The following GMPS variants were observed in gnomAD, a reference collection of about 807,000 sequenced individuals.
GMPS encodes GMP synthase [glutamine-hydrolyzing].
Under a neutral mutation model 77.9 loss-of-function variants are expected in GMPS, and 15 were observed. The ratio of observed to expected loss-of-function variants is 0.19; its 90% CI spans 0.13 to 0.30. GMPS has a LOEUF of 0.30. Ranked by LOEUF, GMPS falls within the 10% of genes least tolerant of loss-of-function variation. GMPS has a pLI of 1.00. For synonymous variants in GMPS, 224 were observed against 275.9 expected (o/e 0.81, Z 1.86); for missense variants, 590 against 838.8 (o/e 0.70, Z 3.66).
intron 9 of GMPS, among the ~76,000 whole-genome samples, chr3:155,916,889 A>G (rs1018655170): frequency 3.9e-5 from 6 of 152,194 alleles, no homozygotes; most frequent in African/African-American, 1.4e-4. Flanking sequence ...ATGAGATTCA[A>G]ATTTTTCCAC....
At chr3:155,912,466 AGTT>A (rs1755067534) in intron 7 of GMPS, among the ~76,000 whole-genome samples, 1 of 152,146 alleles carries the variant, frequency 6.6e-6, no homozygotes, top group Admixed American at 6.5e-5. Context: ...GATAATTTGT[AGTT>A]GTTTATTTTC....
At chr3:155,873,784 G>A (rs1259134914) in intron 1 of GMPS, among the ~76,000 whole-genome samples, 1 of 151,564 alleles carries the variant, frequency 6.6e-6, no homozygotes, top group Non-Finnish European at 1.5e-5. Context: ...ACAGGCGCCC[G>A]CCACCATGCC....
Position 155,941,753 on chromosome 3 carries a change from A to G in GMPS, c.*4061A>G, listed in dbSNP as rs567406406. 4.5e-6 allele frequency: 1 copy of G among 220,622 alleles called. No individual in the cohort carries two copies. Among genetic ancestry groups the G allele is most frequent in the East Asian group, 6.6e-5 (1 of 15,062 alleles). The allele number at this position is 220,622 out of a possible 1,614,324, so 13.7% of individuals were successfully genotyped here. On this transcript the variant is annotated 3_prime_UTR_variant, in exon 16 of 16. Coordinates refer to ENST00000496455, the MANE Select transcript of GMPS (RefSeq NM_003875.3). Reference sequence around the variant, plus strand: ...TGAAGTAGTTTAACACCACCAGATGATCAAGGGATCAGGGTATCTTTCTGG... The same window carrying G: ...TGAAGTAGTTTAACACCACCAGATGGTCAAGGGATCAGGGTATCTTTCTGG...
intron 10 of GMPS, among the ~76,000 whole-genome samples, chr3:155,921,003 A>T (rs962689283): frequency 1.3e-5 from 2 of 152,174 alleles, no homozygotes; most frequent in African/African-American, 2.4e-5. Flanking sequence ...GCACTTTGGG[A>T]GGCCTAGGCA....
At position 155,937,760 on chromosome 3, in the gene GMPS, C is replaced by A; in HGVS notation, c.*68C>A. ...GATTAGAAATCATTCCCATTATTGA[C>A]ATGCAGTACTGTGAAAAGAGTTACT... On this transcript the variant is annotated 3_prime_UTR_variant, in exon 16 of 16. Transcript: ENST00000496455. 1 of 766,228 alleles carries A rather than the reference C, an allele frequency of 1.3e-6. No individual in the cohort carries two copies. Among genetic ancestry groups the A allele is most frequent in the Non-Finnish European group, 2.3e-6 (1 of 431,770 alleles). The allele number at this position is 766,228 out of a possible 1,614,324, so 47.5% of individuals were successfully genotyped here.
At chr3:155,911,343 A>C (rs1229851471) in intron 7 of GMPS, 64 bp downstream of exon 7, 1 of 979,982 alleles carries the variant, frequency 1.0e-6, no homozygotes, top group East Asian at 2.6e-5. Context: ...ATCTAGTCTT[A>C]TGGTTTAAAT....
intron 1 of GMPS, among the ~76,000 whole-genome samples, chr3:155,890,947 G>T (rs1754448861): frequency 6.6e-6 from 1 of 152,204 alleles, no homozygotes; most frequent in Non-Finnish European, 1.5e-5. Context: ...GTCCTTTGGG[G>T]TTTATCAGTG....
Position 155,941,578 on chromosome 3 carries a change from C to T in GMPS, c.*3886C>T, listed in dbSNP as rs1052952124. ...ATAACCACTTTCCCACACTACTCCC[C>T]TCCAGAAATCTCATTGATATGTGGC... On this transcript the variant is annotated 3_prime_UTR_variant, in exon 16 of 16. Coordinates refer to ENST00000496455, the MANE Select transcript of GMPS (RefSeq NM_003875.3). 4.5e-6 allele frequency: 1 copy of T among 220,916 alleles called. No individual in the cohort carries two copies. Among genetic ancestry groups the T allele is most frequent in the Non-Finnish European group, 9.1e-6 (1 of 110,372 alleles). The allele number at this position is 220,916 out of a possible 1,614,324, so 13.7% of individuals were successfully genotyped here. A position where few individuals can be genotyped will look rare whatever the true frequency, so the allele number is the denominator to read the frequency against.
At chr3:155,898,195 A>G (rs1020592878) in intron 3 of GMPS, among the ~76,000 whole-genome samples, 154 bp downstream of exon 3, 2 of 152,346 alleles carry the variant, frequency 1.3e-5, no homozygotes, top group African/African-American at 2.4e-5. Flanking sequence ...CCACACTAGT[A>G]TGGCAGAACT....
chr3:155,937,529 G>T (rs772915122), intron 15 of GMPS, 62 bp from the exon 16 acceptor site: 33 of 733,008 alleles, frequency 4.5e-5, no homozygotes, highest in Non-Finnish European at 7.8e-5. Flanking sequence ...ACAAATGTAA[G>T]CCCTCTAGGA....
intron 2 of GMPS, among the ~76,000 whole-genome samples, chr3:155,897,605 A>G (rs1754633285): frequency 1.3e-5 from 2 of 152,214 alleles, no homozygotes; most frequent in African/African-American, 2.4e-5. Flanking sequence ...TACTTCTTCC[A>G]TTGATAAGGA....
intron 11 of GMPS, among the ~76,000 whole-genome samples, chr3:155,924,063 T>C (rs1013736457): frequency 2.2e-4 from 34 of 152,258 alleles, no homozygotes; most frequent in Non-Finnish European, 2.6e-4. Flanking sequence ...TATTTTTAGT[T>C]GAGACGGGGT....
At chr3:155,878,662 A>G (rs1395168135) in intron 1 of GMPS, among the ~76,000 whole-genome samples, 2 of 152,156 alleles carry the variant, frequency 1.3e-5, no homozygotes, top group African/African-American at 4.8e-5. Context: ...ACAGTAGGCT[A>G]TAGATAGAGA....
intron 9 of GMPS, 77 bp from the exon 10 acceptor site, chr3:155,919,156 C>A: frequency 1.6e-6 from 1 of 643,568 alleles, no homozygotes. Flanking sequence ...CAGGAAAAGC[C>A]AATAATTTAT....
At position 155,911,143 on chromosome 3, in the gene GMPS, A is replaced by T. The variant is rs149287080; in HGVS notation, c.750A>T (p.Thr250=). 1 of 1,612,578 alleles carries T rather than the reference A, an allele frequency of 6.2e-7. No individual in the cohort carries two copies. Among genetic ancestry groups the T allele is most frequent in the African/African-American group, 1.3e-5 (1 of 75,004 alleles). ...LVLLSGGVDS[T]VCTALLNRAL... ...TACTCAGTGGTGGAGTAGACTCAAC[A>T]GTTTGTACAGCTTTGCTAAATCGTG... Residue 250 remains threonine (T), a synonymous_variant, in exon 7 of 16, where the codon ACA becomes ACT. Transcript: ENST00000496455.
intron 12 of GMPS, among the ~76,000 whole-genome samples, chr3:155,926,781 T>C (rs1444054819): frequency 3.9e-5 from 6 of 152,120 alleles, no homozygotes; most frequent in African/African-American, 1.4e-4. Context: ...TCCCAGCACT[T>C]TGGGAGGCTG....
chr3:155,933,164 C>T (rs1467880942), intron 13 of GMPS, among the ~76,000 whole-genome samples: 1 of 151,978 alleles, frequency 6.6e-6, no homozygotes, highest in East Asian at 1.9e-4. Flanking sequence ...TGCACTCAAG[C>T]CTGGGCGACA....
Sources: gnomAD v4.1 joint callset for allele counts (sites outside exome capture counted in the v4.1 genomes callset) on GRCh38, gnomAD v4.1.1 for gene constraint, MANE v1.5 for transcripts, NCBI Gene and HGNC (gene_info 2026-07-23, HGNC 2026-07-21) for gene names.